The following GABRB1 variants were observed in gnomAD, a reference collection of about 807,000 sequenced individuals.
GABRB1 encodes gamma-aminobutyric acid type A receptor subunit beta1.
A neutral mutation model predicts 51.6 loss-of-function variants in GABRB1; 17 were observed. The ratio of observed to expected loss-of-function variants is 0.33; its 90% CI spans 0.23 to 0.49. The LOEUF (loss-of-function observed/expected upper bound fraction) is 0.49, where lower values mean the gene tolerates loss of function less well. Ranked by LOEUF, GABRB1 falls within the 20% of genes least tolerant of loss-of-function variation. GABRB1 has a pLI of 0.99. For synonymous variants in GABRB1, 247 were observed against 218.9 expected (o/e 1.13, Z -1.14); for missense variants, 410 against 600.6 (o/e 0.68, Z 3.32).
chr4:47,272,970 G>A (rs948193891), intron 4 of GABRB1, among the ~76,000 whole-genome samples: 9 of 31,852 alleles, frequency 2.8e-4, no homozygotes, highest in African/African-American at 1.6e-3. Context: ...GATGTGAACC[G>A]TTACTGTAAT....
At chr4:47,086,601 T>C (rs568187801) in intron 3 of GABRB1, among the ~76,000 whole-genome samples, 5 of 152,292 alleles carry the variant, frequency 3.3e-5, no homozygotes, top group African/African-American at 1.2e-4. Context: ...GTATCAATAG[T>C]AGGCATGCTA....
Position 47,419,650 on chromosome 4 carries a change from C to T in GABRB1, c.1081-6024C>T, listed in dbSNP as rs149264454. On this transcript the variant is annotated intron_variant, in intron 8 of 8. Transcript: ENST00000295454. ...AAATGAGGGCCATGATGTTCTATTG[C>T]TTATGGAGGGGCTGATGTCTTCATC... 4.5e-3 allele frequency among the ~76,000 whole-genome samples: 692 copies of T among 152,238 alleles called. 7 individuals are homozygous for T. The highest frequency in any genetic ancestry group is 0.016 in the African/African-American group (645 of 41,552).
intron 4 of GABRB1, among the ~76,000 whole-genome samples, chr4:47,318,484 G>A (rs1724963572): frequency 6.6e-6 from 1 of 152,004 alleles, no homozygotes; most frequent in East Asian, 1.9e-4. Flanking sequence ...GTGACTGATG[G>A]TGCCTCACAC....
intron 4 of GABRB1, among the ~76,000 whole-genome samples, chr4:47,202,896 A>G (rs952552412): frequency 2.0e-5 from 3 of 152,094 alleles, no homozygotes; most frequent in African/African-American, 7.2e-5. Flanking sequence ...ATATAAAATA[A>G]AGGCCCCAGA....
intron 8 of GABRB1, among the ~76,000 whole-genome samples, chr4:47,416,525 A>G (rs964101843): frequency 6.7e-6 from 1 of 150,114 alleles, no homozygotes; most frequent in Middle Eastern, 3.4e-3. Flanking sequence ...ATCGTGGCTC[A>G]CTGCAACCTC....
chr4:47,323,685 C>T (rs1254849061), intron 5 of GABRB1, among the ~76,000 whole-genome samples: 2 of 152,176 alleles, frequency 1.3e-5, no homozygotes, highest in Admixed American at 1.3e-4. Flanking sequence ...TTGCCTGCAT[C>T]ACAAAATCCA....
intron 5 of GABRB1, among the ~76,000 whole-genome samples, chr4:47,357,516 G>A (rs1467820238): frequency 6.6e-6 from 1 of 152,172 alleles, no homozygotes; most frequent in Non-Finnish European, 1.5e-5. Flanking sequence ...ACCCCTTGCA[G>A]CTGAGCATGA....
intron 3 of GABRB1, among the ~76,000 whole-genome samples, chr4:47,059,613 C>A (rs1163427817): frequency 6.6e-6 from 1 of 152,082 alleles, no homozygotes; most frequent in Non-Finnish European, 1.5e-5. Context: ...CTTGCTGCAA[C>A]ATTAAAGCCT....
intron 3 of GABRB1, among the ~76,000 whole-genome samples, chr4:47,036,770 G>A (rs1725589154): frequency 3.3e-5 from 5 of 152,018 alleles, no homozygotes; most frequent in Admixed American, 2.0e-4. Flanking sequence ...GCTGAGGCAT[G>A]AGAATCACTT....
At chr4:47,285,510 C>T (rs972292956) in intron 4 of GABRB1, among the ~76,000 whole-genome samples, 5 of 152,118 alleles carry the variant, frequency 3.3e-5, no homozygotes, top group Admixed American at 2.6e-4. Flanking sequence ...TTTAGTTTAT[C>T]CAAAGCATTC....
chr4:47,120,074 G>T (rs903335408), intron 3 of GABRB1, among the ~76,000 whole-genome samples: 1 of 151,958 alleles, frequency 6.6e-6, no homozygotes, highest in African/African-American at 2.4e-5. Context: ...TTCATGATCT[G>T]CAGGAAAAAA....
At chr4:47,191,022 G>A (rs1015732825) in intron 4 of GABRB1, among the ~76,000 whole-genome samples, 3 of 151,924 alleles carry the variant, frequency 2.0e-5, no homozygotes, top group South Asian at 2.1e-4. Context: ...AGGTCTTTTC[G>A]GGTCATTAAG....
intron 4 of GABRB1, among the ~76,000 whole-genome samples, chr4:47,294,799 C>T (rs1723902429): frequency 6.6e-6 from 1 of 152,340 alleles, no homozygotes; most frequent in East Asian, 1.9e-4. Context: ...GGGCAGACTG[C>T]CTCCTCAAGT....
At chr4:47,319,305 T>C (rs1724989970) in intron 4 of GABRB1, among the ~76,000 whole-genome samples, 1 of 152,144 alleles carries the variant, frequency 6.6e-6, no homozygotes, top group East Asian at 1.9e-4. Context: ...TTTACTTGTA[T>C]ATATATGCAT....
chr4:47,141,312 A>G (rs992867506), intron 3 of GABRB1, among the ~76,000 whole-genome samples: 4 of 151,932 alleles, frequency 2.6e-5, no homozygotes, highest in South Asian at 4.1e-4. Flanking sequence ...CTTGGTCTAC[A>G]TGACAAGTAG....
intron 3 of GABRB1, among the ~76,000 whole-genome samples, chr4:47,150,349 TACAC>T (rs764596416): frequency 1.8e-5 from 2 of 112,826 alleles, no homozygotes; most frequent in Non-Finnish European, 3.7e-5. Flanking sequence ...CACACGCACA[TACAC>T]ACACACACAC....
At position 47,199,634 on chromosome 4, in the gene GABRB1, T is replaced by C. The variant is rs140609083; in HGVS notation, c.461+38165T>C. On this transcript the variant is annotated intron_variant, in intron 4 of 8. Transcript: ENST00000295454. The stretch of plus-strand genomic sequence containing the variant: ...AGCGGGGAGCCTTGGGCATAGAGGA[T>C]GGAGTTAGGACACAAGGTGAAGGAC... 1.3e-3 allele frequency among the ~76,000 whole-genome samples: 202 copies of C among 152,040 alleles called. 1 individual carries two copies. The highest frequency in any genetic ancestry group is 4.6e-3 in the African/African-American group (190 of 41,500).
At chr4:47,014,285 C>T (rs746178674) in intron 1 of GABRB1, among the ~76,000 whole-genome samples, 6 of 152,148 alleles carry the variant, frequency 3.9e-5, no homozygotes, top group Admixed American at 6.6e-5. Flanking sequence ...AAATCTTCCA[C>T]TTTGCTTTCT....
intron 3 of GABRB1, among the ~76,000 whole-genome samples, chr4:47,084,524 C>G (rs1205980544): frequency 6.6e-6 from 1 of 152,186 alleles, no homozygotes; most frequent in African/African-American, 2.4e-5. Context: ...TCTGGAAGCT[C>G]TGAATAATCA....
Sources: allele counts gnomAD v4.1 joint callset (sites outside exome capture counted in the v4.1 genomes callset), GRCh38; gene constraint gnomAD v4.1.1; transcripts MANE v1.5; gene names NCBI Gene and HGNC (gene_info 2026-07-23, HGNC 2026-07-21).